The following MORC4 variants were observed in gnomAD, a reference collection of about 807,000 sequenced individuals.
The protein encoded by MORC4 is MORC family CW-type zinc finger 4.
In MORC4, 22 loss-of-function variants were observed where a neutral mutation model predicts 65.5. The ratio of observed to expected loss-of-function variants is 0.34; its 90% confidence interval spans 0.24 to 0.48. The LOEUF is 0.48. Ranked by LOEUF, MORC4 falls within the 20% of genes least tolerant of loss-of-function variation. The probability of loss-of-function intolerance (pLI) is 0.99; values close to 1 mark genes in which losing one functional copy is unlikely to be tolerated. For synonymous variants in MORC4, 267 were observed against 255.8 expected, an observed-to-expected ratio of 1.04 and a Z score of -0.42; for missense variants, 624 against 703.0, an observed-to-expected ratio of 0.89 and a Z score of 1.27.
At chrX:106,961,047 T>G (rs1934230748) in intron 10 of MORC4, among the ~76,000 whole-genome samples, 1 of 111,606 alleles carries the variant, frequency 9.0e-6, no homozygotes, top group Non-Finnish European at 1.9e-5. Context: ...TGTCTTAGAG[T>G]CAATAAATTC....
At chrX:106,954,247 G>A (rs926545935) in intron 14 of MORC4, among the ~76,000 whole-genome samples, 4 of 112,484 alleles carry the variant, frequency 3.6e-5, no homozygotes, top group Middle Eastern at 9.2e-3. Context: ...TCATAATTAG[G>A]AGTACTGAGT....
chrX:106,981,083 A>G (rs1934731215), intron 6 of MORC4, 64 bp from the exon 7 acceptor site: 2 of 1,141,607 alleles, frequency 1.8e-6, no homozygotes, highest in East Asian at 6.0e-5. Flanking sequence ...TGACATCCCC[A>G]TAAAACACTG....
Position 106,955,105 on chromosome X carries a change from T to C in MORC4, c.1510-17A>G. On this transcript the variant is annotated splice_polypyrimidine_tract_variant and intron_variant, in intron 13 of 16. Transcript: ENST00000355610. ...ACTGAATACCTATAAAAGACAGAAA[T>C]GATTTGTAAAAGTCTCAAATTCAAA... 8.7e-7 allele frequency: 1 copy of C among 1,148,251 alleles called. No individual in the cohort carries two copies. Among genetic ancestry groups the C allele is most frequent in the Non-Finnish European group, 1.2e-6 (1 of 853,104 alleles). The allele number at this position is 1,148,251 out of a possible 1,213,427, so 94.6% of individuals were successfully genotyped here.
At chrX:106,982,996 G>T (rs1284153878) in intron 5 of MORC4, among the ~76,000 whole-genome samples, 1 of 111,157 alleles carries the variant, frequency 9.0e-6, no homozygotes, top group Non-Finnish European at 1.9e-5. Context: ...GAAGTGTTTT[G>T]GATCCTTTTG....
intron 5 of MORC4, among the ~76,000 whole-genome samples, chrX:106,984,298 C>T (rs938661453): frequency 1.9e-5 from 2 of 107,891 alleles, no homozygotes; most frequent in African/African-American, 6.8e-5. Context: ...AAAAAATGTC[C>T]ATGAATATGA....
chrX:106,971,068 C>T (rs1012292686), intron 9 of MORC4, among the ~76,000 whole-genome samples: 1 of 111,641 alleles, frequency 9.0e-6, no homozygotes, highest in Non-Finnish European at 1.9e-5. Context: ...TCAAACTTTA[C>T]TACAAGGCTA....
chrX:106,988,445 A>T (rs1303475584), intron 3 of MORC4, among the ~76,000 whole-genome samples: 4 of 111,801 alleles, frequency 3.6e-5, no homozygotes, highest in Admixed American at 2.9e-4. Flanking sequence ...ATGGAAAAGG[A>T]TAAGAATAAC....
At chrX:106,980,620 T>C (rs1012447490) in intron 7 of MORC4, among the ~76,000 whole-genome samples, 2 of 111,440 alleles carry the variant, frequency 1.8e-5, no homozygotes, top group Non-Finnish European at 1.9e-5. Flanking sequence ...ATTCTTATTT[T>C]TTTTAAAAAA....
chrX:106,999,294 C>T (rs985623515), intron 2 of MORC4, among the ~76,000 whole-genome samples: 2 of 111,591 alleles, frequency 1.8e-5, no homozygotes, highest in Non-Finnish European at 3.8e-5. Flanking sequence ...GTCCTCTACG[C>T]CCCTTTGCTA....
At chrX:106,962,798 T>A (rs1444744727) in intron 9 of MORC4, among the ~76,000 whole-genome samples, 1 of 112,185 alleles carries the variant, frequency 8.9e-6, no homozygotes, top group Non-Finnish European at 1.9e-5. Context: ...AACCTGAATT[T>A]TACTTTTAAA....
chrX:106,962,782 A>C (rs1934281336), intron 9 of MORC4, among the ~76,000 whole-genome samples: 1 of 112,116 alleles, frequency 8.9e-6, no homozygotes, highest in Admixed American at 9.4e-5. Flanking sequence ...AATTTGTAAA[A>C]ATCAAAACCT....
At chrX:106,994,707 G>A (rs1007710316) in intron 2 of MORC4, among the ~76,000 whole-genome samples, 3 of 111,752 alleles carry the variant, frequency 2.7e-5, no homozygotes, top group Non-Finnish European at 3.8e-5. Context: ...AGCAGAAAAC[G>A]TCTTAACAGT....
intron 10 of MORC4, 52 bp from the exon 11 acceptor site, chrX:106,958,516 T>A (rs1159454428): frequency 9.3e-7 from 1 of 1,070,965 alleles, no homozygotes; most frequent in African/African-American, 1.9e-5. Context: ...CTCTGTGCTT[T>A]GTCTTACATT....
chrX:106,941,857 G>A, intron 16 of MORC4, 81 bp downstream of exon 16: 1 of 1,030,456 alleles, frequency 9.7e-7, no homozygotes, highest in East Asian at 3.0e-5. Context: ...TTCCTCCTTT[G>A]TCTACGGCCA....
intron 5 of MORC4, among the ~76,000 whole-genome samples, chrX:106,983,582 T>C (rs1365871913): frequency 1.8e-5 from 2 of 112,207 alleles, no homozygotes; most frequent in Non-Finnish European, 3.8e-5. Context: ...ATGTATTCCA[T>C]TAGACATGCT....
Position 106,942,922 on chromosome X carries a change from G to A in MORC4, c.1969C>T (p.Leu657=). 8.3e-7 allele frequency: 1 copy of A among 1,211,780 alleles called. No individual in the cohort carries two copies. The highest frequency in any genetic ancestry group is 1.1e-6 in the Non-Finnish European group (1 of 895,503). ...PGAKDQRQGS[L]LPEELEDQMP... ...TGATCTTCTAATTCTTCAGGAAGCA[G>A]GGACCCCTGGCGTTGGTCTTTGGCC... The change falls in exon 15 of 17, where the codon CTG becomes TTG. Residue 657 remains leucine, a synonymous_variant. Transcript: ENST00000355610.
At chrX:106,997,527 C>T (rs951570854) in intron 2 of MORC4, among the ~76,000 whole-genome samples, 52 of 111,942 alleles carry the variant, frequency 4.6e-4, no homozygotes, top group African/African-American at 1.6e-3. Context: ...CGTAAAAAGG[C>T]CTGTGTTTGA....
At position 106,986,081 on chromosome X, in the gene MORC4, C is replaced by T. The variant is rs777239435; in HGVS notation, c.428G>A (p.Gly143Glu). ...TAGAAGTCCAACAGTGAGAGTACCC[C>T]CATTCTTGGTGAAGACAAGGGCGTC... ...GKDALVFTKNGGTLTVGLLSQ... is the reference protein window; with the variant it reads ...GKDALVFTKNEGTLTVGLLSQ... Residue 143 changes from glycine to glutamate, a missense_variant, in exon 4 of 17, where the codon GGG (glycine) becomes GAG (glutamate). By Grantham distance (98) the Gly-to-Glu change is moderately conservative. Coordinates refer to ENST00000355610, the MANE Select transcript of MORC4 (RefSeq NM_024657.5). 7 of 1,210,084 alleles carry T rather than the reference C, an allele frequency of 5.8e-6. No homozygotes were observed. The highest frequency in any genetic ancestry group is 7.8e-6 in the Non-Finnish European group (7 of 894,048).
intron 9 of MORC4, among the ~76,000 whole-genome samples, chrX:106,962,555 C>T (rs765917220): frequency 1.8e-5 from 2 of 111,665 alleles, no homozygotes; most frequent in South Asian, 7.6e-4. Context: ...AAATACTATA[C>T]CCTATCTATT....
Sources: allele counts gnomAD v4.1 joint callset (sites outside exome capture counted in the v4.1 genomes callset), GRCh38; gene constraint gnomAD v4.1.1; transcripts MANE v1.5; gene names NCBI Gene and HGNC (gene_info 2026-07-23, HGNC 2026-07-21).